The following ANKDD1A variants were observed in gnomAD, a reference collection of about 807,000 sequenced individuals.
ANKDD1A encodes the protein ankyrin repeat and death domain containing 1A, also known as ankyrin repeat and death domain-containing protein 1A.
A neutral mutation model predicts 63.5 loss-of-function variants in ANKDD1A; 59 were observed. The observed-to-expected ratio is 0.93, with a 90% CI of 0.75 to 1.15. The LOEUF (loss-of-function observed/expected upper bound fraction) is 1.15. ANKDD1A is among the 50% of genes most tolerant of loss of function. The probability of loss-of-function intolerance (pLI) is 0.00; values close to 1 mark genes in which losing one functional copy is unlikely to be tolerated. For synonymous variants in ANKDD1A, 266 were observed against 263.9 expected (o/e 1.01, Z -0.08); for missense variants, 632 against 656.4 (o/e 0.96, Z 0.41).
chr15:64,944,541 G>C, intron 11 of ANKDD1A, 111 bp from the exon 12 acceptor site: 1 of 942,452 alleles, frequency 1.1e-6, no homozygotes, highest in Non-Finnish European at 1.6e-6. Flanking sequence ...TCTCAGCGTA[G>C]ACTGCTGGAA....
At chr15:64,923,820 A>C (rs2085025739) in intron 4 of ANKDD1A, among the ~76,000 whole-genome samples, 1 of 152,126 alleles carries the variant, frequency 6.6e-6, no homozygotes, top group East Asian at 1.9e-4. Flanking sequence ...TGGGGAATCC[A>C]GTGCTGTCTT....
rs1385244686 is a variant in ANKDD1A at position 64,920,616 on chromosome 15, A to G, written c.268-1305A>G. Among the ~76,000 whole-genome samples the G allele has an allele frequency of 2.6e-5, 4 of 151,880 alleles. No homozygotes were observed. The South Asian group carries it at 6.2e-4, about 24-fold the overall frequency. ...GCCCAGGCTGGAGTGCAGTGGTGCA[A>G]TTTTGGCTCACCATAAGCTTTGCCT... On this transcript the variant is annotated intron_variant, in intron 3 of 14. Transcript: ENST00000319580.
At chr15:64,931,313 G>T (rs1161752746) in intron 7 of ANKDD1A, among the ~76,000 whole-genome samples, 174 bp from the exon 8 acceptor site, 2 of 152,142 alleles carry the variant, frequency 1.3e-5, no homozygotes, top group Non-Finnish European at 2.9e-5. Flanking sequence ...GGACTTCAGG[G>T]GTGGGGCTCA....
At chr15:64,941,742 T>C (rs969929819) in intron 9 of ANKDD1A, among the ~76,000 whole-genome samples, 2 of 152,206 alleles carry the variant, frequency 1.3e-5, no homozygotes, top group African/African-American at 4.8e-5. Context: ...TGTCACTATA[T>C]CACCTAGAGA....
chr15:64,926,434 A>G (rs970693204), intron 5 of ANKDD1A, among the ~76,000 whole-genome samples: 1 of 152,078 alleles, frequency 6.6e-6, no homozygotes, highest in African/African-American at 2.4e-5. Context: ...TGCTTCCTGG[A>G]GGAGGTGGCA....
intron 9 of ANKDD1A, among the ~76,000 whole-genome samples, chr15:64,938,594 G>A (rs1190552368): frequency 6.6e-6 from 1 of 152,182 alleles, no homozygotes; most frequent in African/African-American, 2.4e-5. Flanking sequence ...GGAGCATAGG[G>A]AGACATGACA....
chr15:64,932,767 C>T (rs2085101283), intron 8 of ANKDD1A: 1 of 152,026 alleles, frequency 6.6e-6, no homozygotes, highest in South Asian at 2.1e-4. Context: ...TTTATTTCCC[C>T]ACTGCTTAAT....
At chr15:64,926,810 G>C in intron 5 of ANKDD1A, 91 bp from the exon 6 acceptor site, 1 of 1,359,866 alleles carries the variant, frequency 7.4e-7, no homozygotes. Context: ...TACAAAGCCA[G>C]AGTGGTTGGG....
At chr15:64,924,006 G>T (rs574333220) in intron 4 of ANKDD1A, among the ~76,000 whole-genome samples, 2 of 152,314 alleles carry the variant, frequency 1.3e-5, no homozygotes, top group South Asian at 2.1e-4. Context: ...AAATTTAAAC[G>T]TAATGAATCT....
intron 4 of ANKDD1A, among the ~76,000 whole-genome samples, chr15:64,923,626 G>A (rs2085023996): frequency 6.6e-6 from 1 of 152,138 alleles, no homozygotes; most frequent in Non-Finnish European, 1.5e-5. Flanking sequence ...AAAGCATTTG[G>A]GTTGGAAAAT....
intron 9 of ANKDD1A, among the ~76,000 whole-genome samples, chr15:64,941,091 G>A (rs1435499924): frequency 2.0e-5 from 3 of 152,192 alleles, no homozygotes; most frequent in African/African-American, 7.2e-5. Context: ...ATGTTATATA[G>A]CTTTGGTTTA....
intron 2 of ANKDD1A, among the ~76,000 whole-genome samples, chr15:64,916,502 T>A (rs2084969414): frequency 6.6e-6 from 1 of 152,064 alleles, no homozygotes; most frequent in South Asian, 2.1e-4. Context: ...ATTTTTGTAT[T>A]TCTTCTAGAG....
chr15:64,940,950 C>A (rs1199597434), intron 9 of ANKDD1A, among the ~76,000 whole-genome samples: 1 of 152,120 alleles, frequency 6.6e-6, no homozygotes. Context: ...ACTATGTTGT[C>A]CAGGCTGATC....
intron 4 of ANKDD1A, among the ~76,000 whole-genome samples, chr15:64,922,814 A>AT (rs1446432814): frequency 6.6e-6 from 1 of 151,986 alleles, no homozygotes; most frequent in African/African-American, 2.4e-5. Flanking sequence ...GCTAATTAGC[A>AT]TTTTTTCCAA....
chr15:64,951,747 C>T (rs1394442363), intron 14 of ANKDD1A, among the ~76,000 whole-genome samples: 792 of 67,956 alleles, frequency 0.012, 7 homozygotes, highest in Non-Finnish European at 0.021. Context: ...CCTTCTTCCT[C>T]TTCTTCCTTC....
At chr15:64,914,788 T>C (rs1026549447) in intron 1 of ANKDD1A, among the ~76,000 whole-genome samples, 2 of 147,398 alleles carry the variant, frequency 1.4e-5, no homozygotes, top group African/African-American at 2.5e-5. Flanking sequence ...CATCTGGACC[T>C]GTGTCCTCCT....
chr15:64,953,726 CTT>C (rs2085357481), intron 14 of ANKDD1A, among the ~76,000 whole-genome samples: 2 of 28,876 alleles, frequency 6.9e-5, no homozygotes, highest in Admixed American at 6.0e-4. Context: ...TCTTCTCCTT[CTT>C]CTCCTCCTTC....
rs2085300241 is a variant in ANKDD1A, at chr15:64,952,163, CTT to C, written c.1483+2195_1483+2196del. Among the ~76,000 whole-genome samples the C allele has an allele frequency of 5.5e-5, 8 of 146,440 alleles. No homozygotes were observed. In the Admixed American group the frequency reaches 5.5e-4, roughly 10 times the overall value. On this transcript the variant is annotated intron_variant, in intron 14 of 14. Coordinates refer to ENST00000319580, the MANE Select transcript of ANKDD1A (RefSeq NM_182703.6). Reference sequence around the variant, plus strand: ...CTTATTCTTCTTCCTCTTTCTTCATCTTTTTCTTTCTTCTTTCCTTCTACTTT... The same window carrying C: ...CTTATTCTTCTTCCTCTTTCTTCATCTTTCTTTCTTCTTTCCTTCTACTTT...
intron 6 of ANKDD1A, among the ~76,000 whole-genome samples, chr15:64,927,619 T>C (rs2085055995): frequency 6.6e-6 from 1 of 150,778 alleles, no homozygotes; most frequent in Admixed American, 6.6e-5. Flanking sequence ...TTTTTTTTTT[T>C]TTTGAGACGG....
Sources: gnomAD v4.1 joint callset for allele counts (sites outside exome capture counted in the v4.1 genomes callset) on GRCh38, gnomAD v4.1.1 for gene constraint, MANE v1.5 for transcripts, NCBI Gene and HGNC (gene_info 2026-07-23, HGNC 2026-07-21) for gene names.